SLC10A7: variants seen among roughly 807,000 people sequenced by gnomAD.
The protein encoded by SLC10A7 is solute carrier family 10 member 7, also known as sodium/bile acid cotransporter 7.
SLC10A7 carries 29 observed loss-of-function variants against 43.2 expected under a neutral mutation model. The ratio of observed to expected loss-of-function variants is 0.67; its 90% confidence interval spans 0.50 to 0.92. The LOEUF (loss-of-function observed/expected upper bound fraction) is 0.92, where lower values mean the gene tolerates loss of function less well. Ranked by LOEUF, SLC10A7 falls within the 40% of genes least tolerant of loss-of-function variation. The pLI is 0.00. For synonymous variants in SLC10A7, 152 were observed against 144.8 expected (o/e 1.05, Z -0.35); for missense variants, 295 against 403.2 (o/e 0.73, Z 2.30).
intron 5 of SLC10A7, among the ~76,000 whole-genome samples, chr4:146,440,821 C>T (rs1018764707): frequency 3.9e-5 from 6 of 152,238 alleles, no homozygotes; most frequent in South Asian, 2.1e-4. Context: ...AGTAAAACAA[C>T]GCTTCTGCCT....
At chr4:146,370,898 A>G (rs1736726257) in intron 5 of SLC10A7, among the ~76,000 whole-genome samples, 1 of 152,150 alleles carries the variant, frequency 6.6e-6, no homozygotes, top group African/African-American at 2.4e-5. Flanking sequence ...ATGACTTGAG[A>G]TATAATCTGT....
chr4:146,379,139 A>G (rs1422648761), intron 5 of SLC10A7, among the ~76,000 whole-genome samples: 1 of 152,204 alleles, frequency 6.6e-6, no homozygotes, highest in Non-Finnish European at 1.5e-5. Context: ...AATGCTGACC[A>G]AATTACTTTC....
intron 5 of SLC10A7, among the ~76,000 whole-genome samples, chr4:146,432,906 T>C (rs1399848722): frequency 9.2e-5 from 14 of 151,400 alleles, no homozygotes; most frequent in African/African-American, 3.1e-4. Context: ...GGCGTGGTGG[T>C]ACGCGCCTGT....
intron 5 of SLC10A7, among the ~76,000 whole-genome samples, chr4:146,395,258 G>A (rs902419515): frequency 6.6e-6 from 1 of 152,098 alleles, no homozygotes; most frequent in Non-Finnish European, 1.5e-5. Context: ...CTAACATAGT[G>A]CCAGAACATA....
chr4:146,484,901 C>T (rs1256818709), intron 4 of SLC10A7, among the ~76,000 whole-genome samples: 2 of 152,112 alleles, frequency 1.3e-5, no homozygotes, highest in African/African-American at 2.4e-5. Flanking sequence ...AATTAACTTC[C>T]TTTATTTCCT....
chr4:146,442,659 GAAAAGATTCAACAATTTTTATACTTAACC>G (rs1303869188), intron 5 of SLC10A7, 95 bp downstream of exon 5: 25 of 1,508,234 alleles, frequency 1.7e-5, no homozygotes, highest in Non-Finnish European at 2.0e-5. Context: ...ACTGGCACAT[GAAAAGATTCAACAATTTTTATACTTAACC>G]AAAGAGTAAA....
At chr4:146,340,136 G>A (rs1049091748) in intron 5 of SLC10A7, among the ~76,000 whole-genome samples, 1 of 151,686 alleles carries the variant, frequency 6.6e-6, no homozygotes, top group East Asian at 1.9e-4. Flanking sequence ...CAGGGGGTAG[G>A]AGAAGAAAAA....
chr4:146,414,628 C>A (rs1431820896), intron 5 of SLC10A7, among the ~76,000 whole-genome samples: 1 of 151,812 alleles, frequency 6.6e-6, no homozygotes, highest in Non-Finnish European at 1.5e-5. Context: ...GGAGGCTAAG[C>A]CAGAGAACCA....
chr4:146,283,864 T>C (rs1729707138), intron 9 of SLC10A7, among the ~76,000 whole-genome samples: 1 of 152,116 alleles, frequency 6.6e-6, no homozygotes, highest in Admixed American at 6.6e-5. Context: ...CAGAAGTGTA[T>C]AATGTACTCA....
In SLC10A7 at chr4:146,521,624, TCA is replaced by T; in HGVS notation, c.92_93del (p.Val31GlufsTer22). The part of the protein sequence containing the change: ...AGAKLEPSIG[V>X]NGGPLKPEIT... ...GCAGAGGTGCAGCACTTACCCCCATTCACCCCTATGGACGGCTCCAGTTTAGC... is the reference window on the plus strand; with the variant it reads ...GCAGAGGTGCAGCACTTACCCCCATTCCCCTATGGACGGCTCCAGTTTAGC... On this transcript the variant is annotated frameshift_variant, in exon 1 of 12. Coordinates refer to ENST00000335472, the MANE Select transcript of SLC10A7 (RefSeq NM_001029998.6). LOFTEE classifies it high-confidence loss of function. 6.2e-7 allele frequency: 1 copy of T among 1,613,616 alleles called. No individual in the cohort carries two copies. The highest frequency in any genetic ancestry group is 8.5e-7 in the Non-Finnish European group (1 of 1,179,644).
intron 10 of SLC10A7, among the ~76,000 whole-genome samples, chr4:146,271,361 C>G (rs960638082): frequency 5.3e-5 from 8 of 152,186 alleles, no homozygotes; most frequent in African/African-American, 1.9e-4. Flanking sequence ...ATCTTGAATT[C>G]CTTTCTTTTA....
chr4:146,474,254 A>G lies in SLC10A7; in HGVS notation c.396+29595T>C. Among the ~76,000 whole-genome samples the G allele has an allele frequency of 2.0e-5, 3 of 152,290 alleles. No individual in the cohort carries two copies. The South Asian group carries it at 6.2e-4, about 32-fold the overall frequency. On this transcript the variant is annotated intron_variant, in intron 4 of 11. Coordinates refer to ENST00000335472, the MANE Select transcript of SLC10A7 (RefSeq NM_001029998.6). ...GTATAAATACAAAATACTAAACTCC[A>G]TTTTAAATATTAATGCTTACATATG...
intron 5 of SLC10A7, among the ~76,000 whole-genome samples, chr4:146,434,118 T>C (rs1183397153): frequency 6.6e-6 from 1 of 152,058 alleles, no homozygotes; most frequent in Non-Finnish European, 1.5e-5. Flanking sequence ...GAAATAAGAA[T>C]ATGAGAAAAT....
At chr4:146,479,540 T>C (rs1330169872) in intron 4 of SLC10A7, among the ~76,000 whole-genome samples, 5 of 152,206 alleles carry the variant, frequency 3.3e-5, no homozygotes, top group Admixed American at 1.3e-4. Context: ...TGTATGATTC[T>C]ATTTATATGA....
intron 7 of SLC10A7, among the ~76,000 whole-genome samples, chr4:146,294,761 C>G (rs1730667200): frequency 6.6e-6 from 1 of 152,188 alleles, no homozygotes; most frequent in Non-Finnish European, 1.5e-5. Flanking sequence ...CCTGTCCTAA[C>G]TCTCCTACAA....
At chr4:146,273,321 T>G (rs913737446) in intron 10 of SLC10A7, among the ~76,000 whole-genome samples, 1 of 152,110 alleles carries the variant, frequency 6.6e-6, no homozygotes, top group East Asian at 1.9e-4. Context: ...AAGCATCAGA[T>G]AGCTAACACG....
intron 4 of SLC10A7, among the ~76,000 whole-genome samples, chr4:146,501,290 T>G (rs1736388667): frequency 2.0e-5 from 3 of 152,214 alleles, no homozygotes; most frequent in Non-Finnish European, 4.4e-5. Context: ...TATGTCCACT[T>G]GGATATATAA....
intron 6 of SLC10A7, among the ~76,000 whole-genome samples, chr4:146,315,762 C>A (rs1315286582): frequency 6.6e-6 from 1 of 151,986 alleles, no homozygotes; most frequent in Admixed American, 6.6e-5. Context: ...TCACAATACA[C>A]AATAGGTTTC....
At chr4:146,320,330 A>G (rs2149699589) in intron 6 of SLC10A7, among the ~76,000 whole-genome samples, 1 of 152,138 alleles carries the variant, frequency 6.6e-6, no homozygotes, top group South Asian at 2.1e-4. Context: ...TGGTGTATGT[A>G]ACAAAGGAAT....
Sources: gnomAD v4.1 joint callset for allele counts (sites outside exome capture counted in the v4.1 genomes callset) on GRCh38, gnomAD v4.1.1 for gene constraint, MANE v1.5 for transcripts, NCBI Gene and HGNC (gene_info 2026-07-23, HGNC 2026-07-21) for gene names.